The following FRMD5 variants were observed in gnomAD, a reference collection of about 807,000 sequenced individuals.
The protein encoded by FRMD5 is FERM domain-containing protein 5.
A neutral mutation model predicts 69.0 loss-of-function variants in FRMD5; 20 were observed. The ratio of observed to expected loss-of-function variants is 0.29; its 90% CI spans 0.20 to 0.42. The LOEUF (loss-of-function observed/expected upper bound fraction) is 0.42. Ranked by LOEUF, FRMD5 falls within the 10% of genes least tolerant of loss-of-function variation. FRMD5 has a pLI of 1.00. For synonymous variants in FRMD5, 271 were observed against 260.1 expected (o/e 1.04, Z -0.40); for missense variants, 595 against 708.6 (o/e 0.84, Z 1.82).
intron 1 of FRMD5, among the ~76,000 whole-genome samples, chr15:44,060,165 TA>T (rs1304208019): frequency 6.6e-6 from 1 of 152,108 alleles, no homozygotes; most frequent in Non-Finnish European, 1.5e-5. Context: ...CACTGGCACA[TA>T]AGAAAGCCAG....
At chr15:43,973,438 G>A (rs1020465825) in intron 1 of FRMD5, among the ~76,000 whole-genome samples, 12 of 150,024 alleles carry the variant, frequency 8.0e-5, no homozygotes, top group Non-Finnish European at 1.2e-4. Flanking sequence ...CGATATCTCC[G>A]CTCACTGGAA....
chr15:43,986,444 T>A (rs1436431838), intron 1 of FRMD5, among the ~76,000 whole-genome samples: 8 of 152,210 alleles, frequency 5.3e-5, no homozygotes, highest in Non-Finnish European at 2.9e-5. Flanking sequence ...CCAGAGGAAC[T>A]TAGTGAAGGC....
chr15:44,110,145 T>C (rs1417010608), intron 1 of FRMD5, among the ~76,000 whole-genome samples: 1 of 152,236 alleles, frequency 6.6e-6, no homozygotes, highest in Non-Finnish European at 1.5e-5. Context: ...GCTTCCAAGT[T>C]TTGACAATTA....
intron 1 of FRMD5, among the ~76,000 whole-genome samples, chr15:44,058,581 T>G (rs1272683144): frequency 6.6e-6 from 1 of 152,016 alleles, no homozygotes; most frequent in African/African-American, 2.4e-5. Flanking sequence ...CGTCGGGAGA[T>G]CGAGACCATC....
At chr15:44,053,627 C>A (rs1892755452) in intron 1 of FRMD5, among the ~76,000 whole-genome samples, 1 of 151,984 alleles carries the variant, frequency 6.6e-6, no homozygotes. Flanking sequence ...AAGGCAAGAC[C>A]TAGGTTTCTA....
intron 1 of FRMD5, among the ~76,000 whole-genome samples, chr15:43,988,411 T>G (rs4924727): frequency 0.82 from 124,304 of 151,052 alleles, 54,023 homozygotes; most frequent in Non-Finnish European, 0.95. Context: ...GTGCATTGTT[T>G]TTTTAGACAT....
intron 1 of FRMD5, among the ~76,000 whole-genome samples, chr15:44,069,754 C>A (rs1245353715): frequency 1.3e-5 from 2 of 152,066 alleles, no homozygotes; most frequent in Non-Finnish European, 2.9e-5. Context: ...TTGTCAGTAT[C>A]TTGACTATGA....
At chr15:44,055,297 C>G (rs1595675947) in intron 1 of FRMD5, among the ~76,000 whole-genome samples, 4 of 152,156 alleles carry the variant, frequency 2.6e-5, no homozygotes, top group Admixed American at 2.6e-4. Context: ...CTAGTAGTAG[C>G]ACTGTAGAAG....
At chr15:44,137,741 C>A (rs1239310302) in intron 1 of FRMD5, among the ~76,000 whole-genome samples, 1 of 151,806 alleles carries the variant, frequency 6.6e-6, no homozygotes, top group Non-Finnish European at 1.5e-5. Context: ...AAACAGAAAG[C>A]AGTCAGTGAA....
At chr15:44,062,354 A>G (rs1893124310) in intron 1 of FRMD5, among the ~76,000 whole-genome samples, 1 of 152,124 alleles carries the variant, frequency 6.6e-6, no homozygotes, top group Admixed American at 6.5e-5. Flanking sequence ...TTAAAACTAG[A>G]AGACACGGTC....
chr15:44,096,909 T>G (rs1328791612), intron 1 of FRMD5, among the ~76,000 whole-genome samples: 1 of 152,118 alleles, frequency 6.6e-6, no homozygotes, highest in African/African-American at 2.4e-5. Flanking sequence ...TAAGCAGGGA[T>G]GATGGTGAGT....
At chr15:44,086,477 T>C (rs2140464750) in intron 1 of FRMD5, among the ~76,000 whole-genome samples, 1 of 152,296 alleles carries the variant, frequency 6.6e-6, no homozygotes, top group African/African-American at 2.4e-5. Context: ...TATTAGATAA[T>C]TCTATTTATG....
At chr15:44,151,214 G>C (rs1042537112) in intron 1 of FRMD5, among the ~76,000 whole-genome samples, 1 of 151,692 alleles carries the variant, frequency 6.6e-6, no homozygotes, top group African/African-American at 2.4e-5. Flanking sequence ...TGGCTACCAT[G>C]ATGAAACCCC....
At chr15:44,130,096 G>A (rs781182634) in intron 1 of FRMD5, among the ~76,000 whole-genome samples, 5 of 152,240 alleles carry the variant, frequency 3.3e-5, no homozygotes, top group South Asian at 2.1e-4. Flanking sequence ...GGTCAATGGC[G>A]CTCCCTCCAG....
At chr15:44,152,087 G>A (rs2077456144) in intron 1 of FRMD5, among the ~76,000 whole-genome samples, 1 of 152,142 alleles carries the variant, frequency 6.6e-6, no homozygotes, top group African/African-American at 2.4e-5. Flanking sequence ...GCGCATGCCT[G>A]TAGTCCCAGC....
chr15:44,052,005 T>G (rs541334255), intron 1 of FRMD5, among the ~76,000 whole-genome samples: 33 of 152,130 alleles, frequency 2.2e-4, no homozygotes, highest in African/African-American at 7.7e-4. Flanking sequence ...CTTTATGTGC[T>G]CTATTCTTTG....
intron 1 of FRMD5, among the ~76,000 whole-genome samples, chr15:44,115,339 G>A (rs1449636803): frequency 6.6e-6 from 1 of 152,062 alleles, no homozygotes; most frequent in Non-Finnish European, 1.5e-5. Context: ...GTAGTTTTCT[G>A]CACTACTCAA....
chr15:43,888,742 G>T, intron 9 of FRMD5, 67 bp downstream of exon 9: 1 of 1,382,418 alleles, frequency 7.2e-7, no homozygotes, highest in Non-Finnish European at 1.0e-6. Flanking sequence ...CCTCAAGCTT[G>T]GCTCTGGCCA....
rs144691016 is a variant in FRMD5 at position 44,014,681 on chromosome 15, G to C, written c.103-90372C>G. On this transcript the variant is annotated intron_variant, in intron 1 of 13. Transcript: ENST00000417257. ...GAACCCAGGAGATGGAGGTTGCCTT[G>C]AGCCAAGATTGCGCCAATGCACTCC... Among the ~76,000 whole-genome samples the C allele has an allele frequency of 1.2e-3, 176 of 152,222 alleles. 2 individuals are homozygous for C. The highest frequency in any genetic ancestry group is 0.01 in the Middle Eastern group (3 of 294).
Sources: gnomAD v4.1 joint callset for allele counts (sites outside exome capture counted in the v4.1 genomes callset) on GRCh38, gnomAD v4.1.1 for gene constraint, MANE v1.5 for transcripts, NCBI Gene and HGNC (gene_info 2026-07-23, HGNC 2026-07-21) for gene names.